Variants in ABLIM1 observed in about 807,000 individuals in gnomAD.
The protein encoded by ABLIM1 is actin binding LIM protein 1.
Under a neutral mutation model 107.0 loss-of-function variants are expected in ABLIM1, and 40 were observed. The ratio of observed to expected loss-of-function variants is 0.37; its 90% CI spans 0.29 to 0.49. ABLIM1 has a LOEUF of 0.49. ABLIM1 is among the 20% of genes least tolerant of loss of function. The pLI, the probability that ABLIM1 is intolerant of heterozygous loss-of-function variation, is 0.97. For missense variants in ABLIM1, 857 were observed against 1,008.5 expected (o/e 0.85, Z 2.04); for synonymous variants, 357 against 357.3 (o/e 1.00, Z 0.01).
intron 1 of ABLIM1, among the ~76,000 whole-genome samples, chr10:114,683,266 T>C (rs955422723): frequency 1.3e-5 from 2 of 152,234 alleles, no homozygotes; most frequent in African/African-American, 2.4e-5. Context: ...TTCTAATGTT[T>C]GTCAACTTTC....
chr10:114,692,263 C>T (rs2081095438), intron 1 of ABLIM1, among the ~76,000 whole-genome samples: 1 of 152,218 alleles, frequency 6.6e-6, no homozygotes. Flanking sequence ...TATTGATGGT[C>T]TCAAGTGAAC....
chr10:114,733,711 A>G (rs1434270614), intron 1 of ABLIM1, among the ~76,000 whole-genome samples: 1 of 152,210 alleles, frequency 6.6e-6, no homozygotes, highest in African/African-American at 2.4e-5. Flanking sequence ...GTCGCAGACC[A>G]GGTACATCTG....
intron 1 of ABLIM1, among the ~76,000 whole-genome samples, chr10:114,681,414 C>T (rs1400239801): frequency 1.3e-5 from 2 of 152,236 alleles, no homozygotes; most frequent in East Asian, 1.9e-4. Context: ...AGTCTGGTCT[C>T]GAACTTCTGA....
intron 1 of ABLIM1, among the ~76,000 whole-genome samples, chr10:114,675,128 A>C (rs79201631): frequency 3.3e-5 from 5 of 151,998 alleles, no homozygotes; most frequent in Admixed American, 3.3e-4. Context: ...CATTCACCCT[A>C]TGTCGCCAAG....
Position 114,435,949 on chromosome 10 carries a change from C to T in ABLIM1, c.*311G>A, listed in dbSNP as rs376537977. ...GACAGTCAGCACTGTTGTTGGACAA[C>T]AGATAAAGGAAAAGAAAAAGAAGAA... is the stretch of plus-strand genomic sequence containing the variant. On this transcript the variant is annotated 3_prime_UTR_variant, in exon 23 of 23. Coordinates refer to ENST00000533213, the MANE Select transcript of ABLIM1 (RefSeq NM_002313.7). 1 of 229,702 alleles carries T rather than the reference C, an allele frequency of 4.4e-6. No individual in the cohort carries two copies. The highest frequency in any genetic ancestry group is 8.5e-6 in the Non-Finnish European group (1 of 117,124). The allele number at this position is 229,702 out of a possible 1,614,324, so 14.2% of individuals were successfully genotyped here.
chr10:114,694,211 T>C (rs2081148470), intron 1 of ABLIM1, among the ~76,000 whole-genome samples: 1 of 152,202 alleles, frequency 6.6e-6, no homozygotes, highest in Non-Finnish European at 1.5e-5. Context: ...CCTTCATTCT[T>C]ACAGCCTTCA....
chr10:114,572,295 T>C (rs1232235888), intron 3 of ABLIM1, among the ~76,000 whole-genome samples: 1 of 152,218 alleles, frequency 6.6e-6, no homozygotes, highest in Non-Finnish European at 1.5e-5. Flanking sequence ...AAATCTTAGT[T>C]AGAAGCAATT....
At chr10:114,603,396 T>G (rs144990127) in intron 1 of ABLIM1, among the ~76,000 whole-genome samples, 37 of 152,256 alleles carry the variant, frequency 2.4e-4, no homozygotes, top group African/African-American at 7.5e-4. Flanking sequence ...TAGTTTCAGG[T>G]TGAACACCTG....
At chr10:114,764,493 C>T (rs1206177337) in intron 1 of ABLIM1, among the ~76,000 whole-genome samples, 1 of 152,092 alleles carries the variant, frequency 6.6e-6, no homozygotes, top group Non-Finnish European at 1.5e-5. Flanking sequence ...AGGCGTGTGC[C>T]ACCATGCCCG....
At chr10:114,569,794 A>ATGGTGCCTTGCTT (rs1292151242) in intron 4 of ABLIM1, among the ~76,000 whole-genome samples, 2 of 152,162 alleles carry the variant, frequency 1.3e-5, no homozygotes, top group African/African-American at 2.4e-5. Flanking sequence ...GGGGTCTAGG[A>ATGGTGCCTTGCTT]TGGTGCCTTG....
chr10:114,541,084 G>A (rs188961940), intron 6 of ABLIM1, among the ~76,000 whole-genome samples: 19 of 152,264 alleles, frequency 1.2e-4, no homozygotes, highest in Middle Eastern at 3.4e-3. Context: ...CGCAAAAGGC[G>A]ATGTGAAGAC....
At chr10:114,603,656 A>T (rs945003840) in intron 1 of ABLIM1, among the ~76,000 whole-genome samples, 3 of 151,346 alleles carry the variant, frequency 2.0e-5, no homozygotes, top group African/African-American at 4.9e-5. Context: ...AAAAAAGAAG[A>T]AGAAAAGTTT....
intron 1 of ABLIM1, among the ~76,000 whole-genome samples, chr10:114,641,498 T>G (rs757628412): frequency 6.6e-6 from 1 of 152,184 alleles, no homozygotes; most frequent in Non-Finnish European, 1.5e-5. Context: ...GAGTAATGTA[T>G]ACATATATAC....
chr10:114,600,542 G>C (rs1393212814), intron 2 of ABLIM1, among the ~76,000 whole-genome samples: 1 of 152,108 alleles, frequency 6.6e-6, no homozygotes, highest in African/African-American at 2.4e-5. Context: ...TGGTCACTAG[G>C]AAGACTGGAA....
chr10:114,448,801 A>T (rs1272517142), intron 14 of ABLIM1, among the ~76,000 whole-genome samples: 3 of 151,938 alleles, frequency 2.0e-5, no homozygotes, highest in Admixed American at 6.6e-5. Flanking sequence ...TTTAGTAGAG[A>T]CAGGGTTTCT....
intron 2 of ABLIM1, among the ~76,000 whole-genome samples, chr10:114,589,529 A>AG: frequency 7.4e-6 from 1 of 135,494 alleles, no homozygotes; most frequent in African/African-American, 2.7e-5. Flanking sequence ...ACTCTGTCTC[A>AG]AAAAAAAAAA....
intron 1 of ABLIM1, among the ~76,000 whole-genome samples, chr10:114,649,539 C>T (rs2079152065): frequency 6.6e-6 from 1 of 151,952 alleles, no homozygotes. Flanking sequence ...ATCTAAAATC[C>T]TGACATACTT....
At chr10:114,643,140 G>C (rs1224591278) in intron 1 of ABLIM1, among the ~76,000 whole-genome samples, 5 of 152,342 alleles carry the variant, frequency 3.3e-5, no homozygotes, top group Middle Eastern at 3.4e-3. Context: ...TACTAAAAGT[G>C]CTAGCAGTGA....
chr10:114,789,299 T>C, the ABLIM1 span, among the ~76,000 whole-genome samples: 16 of 152,064 alleles, frequency 1.1e-4, no homozygotes, highest in Admixed American at 3.3e-4. Context: ...ATGCAGATAA[T>C]GATGTTGACC....
Sources: gnomAD v4.1 joint callset for allele counts (sites outside exome capture counted in the v4.1 genomes callset) on GRCh38, gnomAD v4.1.1 for gene constraint, MANE v1.5 for transcripts, NCBI Gene and HGNC (gene_info 2026-07-23, HGNC 2026-07-21) for gene names.